GIGYF2: variants seen among roughly 807,000 people sequenced by gnomAD.
GIGYF2 encodes GRB10 interacting GYF protein 2, also known as GRB10-interacting GYF protein 2.
Under a neutral mutation model 208.1 loss-of-function variants are expected in GIGYF2, and 25 were observed. The observed-to-expected ratio is 0.12, with a 90% CI of 0.09 to 0.17. The LOEUF is 0.17. Ranked by LOEUF, GIGYF2 falls within the 10% of genes least tolerant of loss-of-function variation. The pLI is 1.00. For synonymous variants in GIGYF2, 534 were observed against 543.8 expected (o/e 0.98, Z 0.25); for missense variants, 1,302 against 1,579.4 (o/e 0.82, Z 2.98).
intron 2 of GIGYF2, among the ~76,000 whole-genome samples, chr2:232,721,892 A>T (rs1241380265): frequency 2.0e-5 from 3 of 152,080 alleles, no homozygotes; most frequent in Admixed American, 2.0e-4. Context: ...TTTTACTTTC[A>T]TCTCTAGTTC....
chr2:232,780,811 C>G (rs993780949), intron 8 of GIGYF2, among the ~76,000 whole-genome samples: 1 of 152,148 alleles, frequency 6.6e-6, no homozygotes, highest in African/African-American at 2.4e-5. Context: ...ATTTTGAATG[C>G]TGAGAAGGGC....
intron 22 of GIGYF2, among the ~76,000 whole-genome samples, chr2:232,836,855 T>C (rs1355945564): frequency 6.6e-6 from 1 of 152,190 alleles, no homozygotes; most frequent in Non-Finnish European, 1.5e-5. Flanking sequence ...CACTGTCTGT[T>C]GCAAATAAAG....
Position 232,858,462 on chromosome 2 carries a change from A to T in GIGYF2, c.*1602A>T. The T allele has an allele frequency of 2.2e-6, 1 of 455,604 alleles. No homozygotes were observed. The highest frequency in any genetic ancestry group is 2.0e-5 in the African/African-American group (1 of 50,046). 28.2% of individuals were successfully genotyped at this position (455,604 alleles called of 1,614,324 possible). A position where few individuals can be genotyped will look rare whatever the true frequency, so the allele number is the denominator to read the frequency against. On this transcript the variant is annotated 3_prime_UTR_variant, in exon 29 of 29. Transcript: ENST00000373563. The stretch of plus-strand genomic sequence containing the variant: ...ATCAAATAGCATGAGGGGAGAGGAA[A>T]CCATTAAAAGTTGGGGCTCCTACTC...
intron 8 of GIGYF2, chr2:232,767,815 C>A (rs538012673): frequency 3.9e-5 from 10 of 259,150 alleles, no homozygotes; most frequent in African/African-American, 9.2e-5. Context: ...TAAACTGTTG[C>A]TTCAATTTGC....
At chr2:232,749,701 A>C (rs918319257) in intron 5 of GIGYF2, among the ~76,000 whole-genome samples, 1 of 152,206 alleles carries the variant, frequency 6.6e-6, no homozygotes, top group African/African-American at 2.4e-5. Context: ...GAAAGCTTGA[A>C]TGTTACTTTA....
chr2:232,806,684 T>A lies in GIGYF2; in HGVS notation c.1806+27T>A. 4 of 1,500,436 alleles carry A rather than the reference T, an allele frequency of 2.7e-6. No individual in the cohort carries two copies. Among genetic ancestry groups the A allele is most frequent in the Non-Finnish European group, 3.7e-6 (4 of 1,076,724 alleles). 92.9% of individuals were successfully genotyped at this position (1,500,436 alleles called of 1,614,324 possible). Reference sequence around the variant, plus strand: ...TAAGTACCTTTCACCTCACCTGGAATACATATTAGTCACGGAAACACTTGA... The same window carrying A: ...TAAGTACCTTTCACCTCACCTGGAAAACATATTAGTCACGGAAACACTTGA... On this transcript the variant is annotated intron_variant, in intron 15 of 28. Coordinates refer to ENST00000373563, the MANE Select transcript of GIGYF2 (RefSeq NM_001103146.3). This position sits in a 1 kb window ranked among gnomAD's most constrained non-coding sequence, Gnocchi z 4.0.
chr2:232,730,004 T>G, intron 2 of GIGYF2: 1 of 760,538 alleles, frequency 1.3e-6, no homozygotes, highest in Admixed American at 1.9e-5. Context: ...GGCTGGCCTT[T>G]TCTTTTTCGT....
intron 2 of GIGYF2, among the ~76,000 whole-genome samples, chr2:232,724,419 C>G (rs1451957942): frequency 6.6e-6 from 1 of 152,044 alleles, no homozygotes; most frequent in Non-Finnish European, 1.5e-5. Flanking sequence ...ACCTCCCAGT[C>G]ATGCCTCACT....
At chr2:232,825,866 C>T (rs1397832504) in intron 21 of GIGYF2, among the ~76,000 whole-genome samples, 2 of 150,448 alleles carry the variant, frequency 1.3e-5, no homozygotes, top group East Asian at 3.9e-4. Flanking sequence ...CCCCCCACCC[C>T]TCGACAGACC....
At chr2:232,771,494 C>A in intron 8 of GIGYF2, 1 of 618,654 alleles carries the variant, frequency 1.6e-6, no homozygotes, top group Non-Finnish European at 2.7e-6. Context: ...CACAACTTTG[C>A]CAACTCTCTC....
intron 18 of GIGYF2, among the ~76,000 whole-genome samples, chr2:232,813,343 A>G (rs1206636032): frequency 9.4e-6 from 1 of 106,752 alleles, no homozygotes; most frequent in Non-Finnish European, 2.4e-5. Flanking sequence ...ACGCTATCAC[A>G]CCTGACTGGG....
rs1489878685 is a variant in GIGYF2, at chr2:232,857,112, A to G, written c.*252A>G. On this transcript the variant is annotated 3_prime_UTR_variant, in exon 29 of 29. Coordinates refer to ENST00000373563, the MANE Select transcript of GIGYF2 (RefSeq NM_001103146.3). ...GGGTGGCAGTTGGGATTACTCCCCA[A>G]CAAGGCTGATTTTAGGCAGCATGTG... 7 of 560,602 alleles carry G rather than the reference A, an allele frequency of 1.2e-5. No individual in the cohort carries two copies. Among genetic ancestry groups the G allele is most frequent in the Admixed American group, 6.1e-5 (2 of 33,052 alleles). 34.7% of individuals were successfully genotyped at this position (560,602 alleles called of 1,614,324 possible).
intron 3 of GIGYF2, among the ~76,000 whole-genome samples, chr2:232,741,718 A>T (rs1697974722): frequency 6.6e-6 from 1 of 152,116 alleles, no homozygotes; most frequent in Non-Finnish European, 1.5e-5. Context: ...TGTTGGGATT[A>T]CAGATGTGAG....
rs1034930865 is a variant in GIGYF2 at position 232,833,033 on chromosome 2, G to A, written c.2706G>A (p.Gln902=). ...QKELMRQRQQ[Q]QEALRRLQQQ... ...AGTTAATGCGCCAGAGGCAGCAGCAGCAAGAGGCTCTCCGGAGGTTGCAGC... is the reference window on the plus strand; with the variant it reads ...AGTTAATGCGCCAGAGGCAGCAGCAACAAGAGGCTCTCCGGAGGTTGCAGC... The change falls in exon 22 of 29, where the codon CAG becomes CAA. Residue 902 remains glutamine, a synonymous_variant. Coordinates refer to ENST00000373563, the MANE Select transcript of GIGYF2 (RefSeq NM_001103146.3). The A allele has an allele frequency of 4.5e-6, 7 of 1,562,450 alleles. No homozygotes were observed. The highest frequency in any genetic ancestry group is 3.8e-5 in the Admixed American group (2 of 52,358).
rs1328485364 is a variant in GIGYF2 at position 232,857,607 on chromosome 2, A to G, written c.*747A>G. 6.6e-6 allele frequency: 1 copy of G among 152,604 alleles called. No individual in the cohort carries two copies. The highest frequency in any genetic ancestry group is 6.5e-5 in the Admixed American group (1 of 15,272). 9.5% of individuals were successfully genotyped at this position (152,604 alleles called of 1,614,324 possible). On this transcript the variant is annotated 3_prime_UTR_variant, in exon 29 of 29. Coordinates refer to ENST00000373563, the MANE Select transcript of GIGYF2 (RefSeq NM_001103146.3). ...AACCTGATTGGACAAAGGAAGCTCT[A>G]TGGCCTGGGAGAGAGACTATTCTTA...
intron 2 of GIGYF2, chr2:232,724,487 A>G (rs954194826): frequency 1.3e-5 from 2 of 151,974 alleles, no homozygotes; most frequent in Admixed American, 6.6e-5. Flanking sequence ...CAGATCATCA[A>G]TAAGTTAGTT....
chr2:232,844,752 C>T (rs771318776), intron 25 of GIGYF2, among the ~76,000 whole-genome samples, 178 bp downstream of exon 25: 3 of 152,206 alleles, frequency 2.0e-5, no homozygotes, highest in Non-Finnish European at 4.4e-5. Flanking sequence ...CATAGAAACA[C>T]ATTCGTATTA....
intron 2 of GIGYF2, among the ~76,000 whole-genome samples, chr2:232,733,901 C>T (rs1697616374): frequency 1.3e-5 from 2 of 151,922 alleles, no homozygotes; most frequent in Admixed American, 1.3e-4. Flanking sequence ...TTTTTCCATC[C>T]GAGGTTGGTT....
chr2:232,856,677 G>C (rs1227144036), intron 28 of GIGYF2, 116 bp from the exon 29 acceptor site: 12 of 789,798 alleles, frequency 1.5e-5, no homozygotes. Context: ...GGGTGACAGA[G>C]TGAAACCCTG....
Sources: allele counts gnomAD v4.1 joint callset (sites outside exome capture counted in the v4.1 genomes callset), GRCh38; gene constraint gnomAD v4.1.1; non-coding constraint Gnocchi (gnomAD v3.1); transcripts MANE v1.5; gene names NCBI Gene and HGNC (gene_info 2026-07-23, HGNC 2026-07-21).